The following IQSEC1 variants were observed in gnomAD, a reference collection of about 807,000 sequenced individuals.
IQSEC1 encodes the protein IQ motif and SEC7 domain-containing protein 1.
In IQSEC1, 31 loss-of-function variants were observed where a neutral mutation model predicts 91.0. The observed-to-expected ratio is 0.34, with a 90% CI of 0.26 to 0.46. IQSEC1 has a LOEUF of 0.46. Ranked by LOEUF, IQSEC1 falls within the 20% of genes least tolerant of loss-of-function variation. The probability of loss-of-function intolerance (pLI) is 1.00; values close to 1 mark genes in which losing one functional copy is unlikely to be tolerated. For synonymous variants in IQSEC1, 699 were observed against 662.6 expected (o/e 1.05, Z -0.84); for missense variants, 1,388 against 1,575.6 (o/e 0.88, Z 2.02).
At chr3:13,226,692 G>A (rs898348102) in intron 1 of IQSEC1, among the ~76,000 whole-genome samples, 2 of 152,142 alleles carry the variant, frequency 1.3e-5, no homozygotes, top group African/African-American at 4.8e-5. Flanking sequence ...TAATGCCCCA[G>A]CATGTCAGAT....
chr3:12,953,709 C>G (rs1699716297), intron 1 of IQSEC1, among the ~76,000 whole-genome samples: 1 of 152,184 alleles, frequency 6.6e-6, no homozygotes, highest in African/African-American at 2.4e-5. Flanking sequence ...TCGCACTGCC[C>G]CTGCCCTCTG....
At chr3:12,981,153 G>A (rs936449064) in intron 1 of IQSEC1, among the ~76,000 whole-genome samples, 6 of 152,192 alleles carry the variant, frequency 3.9e-5, no homozygotes, top group Non-Finnish European at 8.8e-5. Flanking sequence ...CGTGCTTAGG[G>A]GGAGCAGGAG....
intron 5 of IQSEC1, 59 bp from the exon 6 acceptor site, chr3:12,920,655 C>T: frequency 6.4e-7 from 1 of 1,554,556 alleles, no homozygotes; most frequent in Non-Finnish European, 8.8e-7. Context: ...CGGCCCCTCT[C>T]TCACCCGCTG....
Position 12,901,371 on chromosome 3 carries a change from A to G in IQSEC1, c.2957T>C (p.Leu986Pro). 6.5e-7 allele frequency: 1 copy of G among 1,536,294 alleles called. No homozygotes were observed. The highest frequency in any genetic ancestry group is 1.7e-4 in the Middle Eastern group (1 of 5,882). Residue 986 changes from leucine to proline, a missense_variant, in exon 14 of 14, where the codon CTG becomes CCG. By Grantham distance (98) the Leu-to-Pro change is moderately conservative. This residue lies in a region of IQSEC1 where 329 missense variants were observed against 257.8 expected (regional missense o/e 1.28). Transcript: ENST00000613206. ...GGGTGGCAGGGCTGGGGCTGAGGGC[A>G]GGTGGGCCTGGGGAGGGGGCTTCCC... ...KRGKPPPQAHLPSAPALPPPH... is the reference protein window; with the variant it reads ...KRGKPPPQAHPPSAPALPPPH...
At chr3:12,918,080 G>A (rs907486830) in intron 6 of IQSEC1, among the ~76,000 whole-genome samples, 4 of 152,244 alleles carry the variant, frequency 2.6e-5, no homozygotes, top group Non-Finnish European at 5.9e-5. Context: ...CCAGGGACCT[G>A]CCTGGCCTCA....
intron 1 of IQSEC1, among the ~76,000 whole-genome samples, chr3:12,942,560 G>A (rs1052611042): frequency 2.4e-4 from 36 of 151,732 alleles, no homozygotes; most frequent in Non-Finnish European, 5.0e-4. Context: ...CCAAGATTGC[G>A]CCACTGCACT....
At chr3:13,022,340 G>T (rs1359305697) in intron 1 of IQSEC1, 2 of 1,188,864 alleles carry the variant, frequency 1.7e-6, no homozygotes, top group African/African-American at 1.6e-5. Context: ...TCTGTGCCCT[G>T]GTCCTGTCTA....
chr3:13,203,085 G>C (rs1324945448), intron 1 of IQSEC1, among the ~76,000 whole-genome samples: 1 of 152,104 alleles, frequency 6.6e-6, no homozygotes, highest in African/African-American at 2.4e-5. Flanking sequence ...CCAACACAAG[G>C]CACGAGCAGG....
At position 13,186,932 on chromosome 3, in the gene IQSEC1, C is replaced by T. The variant is rs115403991; in HGVS notation, c.273-22799G>A. On this transcript the variant is annotated intron_variant, in intron 1 of 15. Coordinates refer to the IQSEC1 transcript ENST00000648114. The stretch of plus-strand genomic sequence containing the variant: ...TTCGGATGAGGAAAGAGCACACTGT[C>T]TGCCCTTCCTCTCTTCCATGGCCCG... Among the ~76,000 whole-genome samples the T allele has an allele frequency of 4.2e-3, 644 of 152,228 alleles. 3 individuals are homozygous for T. The highest frequency in any genetic ancestry group is 6.9e-3 in the Non-Finnish European group (470 of 67,978).
chr3:13,234,024 C>T (rs553769052), intron 1 of IQSEC1, among the ~76,000 whole-genome samples: 10 of 152,230 alleles, frequency 6.6e-5, no homozygotes, highest in African/African-American at 2.2e-4. Flanking sequence ...AACTGACGCG[C>T]TCTGCATGCC....
upstream of IQSEC1, among the ~76,000 whole-genome samples, chr3:13,077,940 A>C (rs1453849802): frequency 6.6e-6 from 1 of 152,220 alleles, no homozygotes; most frequent in African/African-American, 2.4e-5. Context: ...TGGAGATCTG[A>C]AAGCCACGAG....
chr3:13,197,712 G>C (rs1421835051), intron 1 of IQSEC1, among the ~76,000 whole-genome samples: 1 of 152,220 alleles, frequency 6.6e-6, no homozygotes, highest in Non-Finnish European at 1.5e-5. Flanking sequence ...GCCAGGCATG[G>C]GTGGGGCATC....
At chr3:13,180,629 C>T (rs930514636) in intron 1 of IQSEC1, among the ~76,000 whole-genome samples, 3 of 151,974 alleles carry the variant, frequency 2.0e-5, no homozygotes, top group Admixed American at 1.3e-4. Flanking sequence ...AATCTTGCTG[C>T]TGCTCACTCT....
chr3:13,107,371 G>A (rs1049703097), intron 2 of IQSEC1, among the ~76,000 whole-genome samples: 12 of 152,164 alleles, frequency 7.9e-5, no homozygotes, highest in African/African-American at 2.4e-4. Context: ...TGCCCCCTGC[G>A]GTTGCTATAG....
intron 2 of IQSEC1, among the ~76,000 whole-genome samples, chr3:13,094,674 G>T (rs932738442): frequency 1.3e-5 from 2 of 152,102 alleles, no homozygotes. Flanking sequence ...GATAAATCAG[G>T]AGTATGGCCT....
intron 2 of IQSEC1, among the ~76,000 whole-genome samples, chr3:13,099,202 G>T (rs1486288189): frequency 1.3e-5 from 2 of 152,190 alleles, no homozygotes; most frequent in African/African-American, 4.8e-5. Flanking sequence ...AGCCCCTGGA[G>T]AGGGGTGAGG....
chr3:13,232,807 A>G (rs1694859967), intron 1 of IQSEC1, among the ~76,000 whole-genome samples: 2 of 152,226 alleles, frequency 1.3e-5, no homozygotes, highest in Non-Finnish European at 2.9e-5. Context: ...ATCGAATCCA[A>G]CCATGAAATG....
chr3:12,962,423 C>T (rs1232153007), intron 1 of IQSEC1, among the ~76,000 whole-genome samples: 1 of 152,232 alleles, frequency 6.6e-6, no homozygotes, highest in Non-Finnish European at 1.5e-5. Context: ...CCGGTCTGGG[C>T]AGCAGGGGAT....
chr3:13,089,191 C>A (rs1203818485), intron 2 of IQSEC1, among the ~76,000 whole-genome samples: 1 of 152,270 alleles, frequency 6.6e-6, no homozygotes, highest in Non-Finnish European at 1.5e-5. Flanking sequence ...TATAAAACCA[C>A]ACAGCCCTAA....
Sources: gnomAD v4.1 joint callset for allele counts (sites outside exome capture counted in the v4.1 genomes callset) on GRCh38, gnomAD v4.1.1 for gene constraint, gnomAD v4.1.1 regional missense constraint, MANE v1.5 for transcripts, NCBI Gene and HGNC (gene_info 2026-07-23, HGNC 2026-07-21) for gene names.